The following SNX29 variants were observed in gnomAD, a reference collection of about 807,000 sequenced individuals.
SNX29 encodes the protein sorting nexin 29, also known as sorting nexin-29.
SNX29 carries 78 observed loss-of-function variants against 102.1 expected under a neutral mutation model. The ratio of observed to expected loss-of-function variants is 0.76; its 90% CI spans 0.64 to 0.92. The LOEUF is 0.92. Ranked by LOEUF, SNX29 falls within the 40% of genes least tolerant of loss-of-function variation. The pLI, the probability that SNX29 is intolerant of heterozygous loss-of-function variation, is 0.00. For synonymous variants in SNX29, 580 were observed against 414.5 expected, an observed-to-expected ratio of 1.40 and a Z score of -4.85; for missense variants, 1,280 against 1,061.7, an observed-to-expected ratio of 1.21 and a Z score of -2.86.
chr16:12,162,648 T>C (rs2055838860), intron 13 of SNX29, among the ~76,000 whole-genome samples: 1 of 152,210 alleles, frequency 6.6e-6, no homozygotes, highest in Non-Finnish European at 1.5e-5. Context: ...GCTGGATTTG[T>C]CCTGTGGGCC....
intron 18 of SNX29, among the ~76,000 whole-genome samples, chr16:12,431,957 C>A (rs1178013094): frequency 6.6e-6 from 1 of 152,216 alleles, no homozygotes; most frequent in East Asian, 1.9e-4. Flanking sequence ...TCTTCTGTGC[C>A]CTGGGGATAT....
At chr16:12,187,287 C>T (rs776784173) in intron 13 of SNX29, among the ~76,000 whole-genome samples, 9 of 152,186 alleles carry the variant, frequency 5.9e-5, no homozygotes, top group Admixed American at 1.3e-4. Flanking sequence ...GAGCTGGGCG[C>T]GGTGGCCCAC....
intron 14 of SNX29, among the ~76,000 whole-genome samples, chr16:12,219,967 C>T (rs79314018): frequency 0.016 from 2,374 of 152,338 alleles, 69 homozygotes; most frequent in African/African-American, 0.054. Flanking sequence ...CACACCCCAC[C>T]GGTACCTGTC....
chr16:12,166,983 G>C (rs1488974823), intron 13 of SNX29, among the ~76,000 whole-genome samples: 2 of 152,192 alleles, frequency 1.3e-5, no homozygotes, highest in Non-Finnish European at 2.9e-5. Context: ...TCAGCCAGTG[G>C]TTAAGGAAGG....
At chr16:12,478,766 G>C (rs2087773510) in intron 19 of SNX29, among the ~76,000 whole-genome samples, 1 of 152,190 alleles carries the variant, frequency 6.6e-6, no homozygotes, top group African/African-American at 2.4e-5. Flanking sequence ...AACCACTGAG[G>C]ACTGCCTGTG....
chr16:12,120,595 C>T (rs1002427384), intron 11 of SNX29, among the ~76,000 whole-genome samples: 3 of 152,134 alleles, frequency 2.0e-5, no homozygotes. Flanking sequence ...GTCACTGTTT[C>T]ATTGCTTTAT....
intron 20 of SNX29, among the ~76,000 whole-genome samples, chr16:12,539,005 G>T (rs867718465): frequency 3.3e-5 from 5 of 152,118 alleles, no homozygotes; most frequent in Non-Finnish European, 5.9e-5. Context: ...CCAGTAATTC[G>T]AGCCAAAACC....
At chr16:12,242,842 G>T (rs1375922235) in intron 14 of SNX29, among the ~76,000 whole-genome samples, 3 of 151,556 alleles carry the variant, frequency 2.0e-5, no homozygotes, top group Non-Finnish European at 4.4e-5. Flanking sequence ...TTGTATTTTT[G>T]GTAGTGACAG....
At chr16:12,070,012 C>G (rs1236991342) in intron 10 of SNX29, among the ~76,000 whole-genome samples, 1 of 152,200 alleles carries the variant, frequency 6.6e-6, no homozygotes, top group Non-Finnish European at 1.5e-5. Flanking sequence ...TATTTGATAA[C>G]AAGATTTGAC....
chr16:12,316,723 T>C (rs886986261), intron 15 of SNX29, among the ~76,000 whole-genome samples: 5 of 152,054 alleles, frequency 3.3e-5, no homozygotes, highest in Non-Finnish European at 7.4e-5. Flanking sequence ...CTTCCTTCTC[T>C]CCCATCCCTC....
At chr16:12,340,562 T>C (rs368768410) in intron 15 of SNX29, among the ~76,000 whole-genome samples, 1 of 152,128 alleles carries the variant, frequency 6.6e-6, no homozygotes, top group East Asian at 1.9e-4. Flanking sequence ...TCTGGAAACG[T>C]TGGTCTGTGA....
At chr16:12,021,859 C>G (rs1171598881) in intron 3 of SNX29, among the ~76,000 whole-genome samples, 1 of 151,754 alleles carries the variant, frequency 6.6e-6, no homozygotes, top group African/African-American at 2.4e-5. Flanking sequence ...TCACTGCACT[C>G]CAGCCTGGGG....
At chr16:12,235,651 A>G (rs1466513042) in intron 14 of SNX29, among the ~76,000 whole-genome samples, 2 of 152,220 alleles carry the variant, frequency 1.3e-5, no homozygotes, top group Non-Finnish European at 2.9e-5. Context: ...AATAACACAG[A>G]GGAAAGAAGT....
intron 3 of SNX29, among the ~76,000 whole-genome samples, chr16:12,021,523 T>C (rs2057020050): frequency 6.6e-6 from 1 of 152,232 alleles, no homozygotes; most frequent in Non-Finnish European, 1.5e-5. Context: ...GTTGTTTTAA[T>C]GATTGCCATG....
At chr16:12,392,526 G>A (rs73513935) in intron 16 of SNX29, among the ~76,000 whole-genome samples, 23,103 of 152,136 alleles carry the variant, frequency 0.15, 1,918 homozygotes, top group Middle Eastern at 0.23. Flanking sequence ...GCGATCAGAT[G>A]TGCCTGCCTA....
chr16:12,432,994 G>T (rs1436843786), intron 18 of SNX29, among the ~76,000 whole-genome samples: 1 of 152,172 alleles, frequency 6.6e-6, no homozygotes, highest in Non-Finnish European at 1.5e-5. Flanking sequence ...GTGAGGGTGT[G>T]GGTAGAGGTG....
intron 16 of SNX29, among the ~76,000 whole-genome samples, chr16:12,357,794 A>G (rs1010631939): frequency 1.3e-5 from 2 of 151,814 alleles, no homozygotes; most frequent in Non-Finnish European, 2.9e-5. Context: ...GTCTTCTCTC[A>G]TCTCTCTCTC....
At chr16:12,065,577 T>G (rs2050996632) in intron 9 of SNX29, among the ~76,000 whole-genome samples, 1 of 152,174 alleles carries the variant, frequency 6.6e-6, no homozygotes, top group South Asian at 2.1e-4. Flanking sequence ...TGGAAGTTGT[T>G]TGTTGAGGTT....
At chr16:12,515,291 C>T (rs544224380) in intron 19 of SNX29, among the ~76,000 whole-genome samples, 10 of 152,228 alleles carry the variant, frequency 6.6e-5, no homozygotes, top group Admixed American at 5.9e-4. Context: ...TCCACGAAGG[C>T]GGGATCCACA....
Sources: gnomAD v4.1 joint callset for allele counts (sites outside exome capture counted in the v4.1 genomes callset) on GRCh38, gnomAD v4.1.1 for gene constraint, MANE v1.5 for transcripts, NCBI Gene and HGNC (gene_info 2026-07-23, HGNC 2026-07-21) for gene names.